PEAK1: variants seen among roughly 807,000 people sequenced by gnomAD.
The protein encoded by PEAK1 is pseudopodium enriched atypical kinase 1.
PEAK1 carries 54 observed loss-of-function variants against 124.7 expected under a neutral mutation model. That is an observed-to-expected ratio of 0.43 (90% CI 0.35 to 0.54). PEAK1 has a LOEUF of 0.54. PEAK1 is among the 20% of genes least tolerant of loss of function. PEAK1 has a pLI of 0.01. For missense variants in PEAK1, 2,046 were observed against 2,134.5 expected, an observed-to-expected ratio of 0.96 and a Z score of 0.82; for synonymous variants, 719 against 760.0, an observed-to-expected ratio of 0.95 and a Z score of 0.89.
rs758292985 is a variant in PEAK1, at chr15:77,229,786, T to C, written c.-115+22581A>G. Among the ~76,000 whole-genome samples, 49 of 152,280 alleles carry C rather than the reference T, an allele frequency of 3.2e-4. 1 individual carries two copies. Among genetic ancestry groups the C allele is most frequent in the Non-Finnish European group, 5.1e-4 (35 of 68,016 alleles). ...CCTCAGCCTCCTGAGTAACTGGGAT[T>C]ACAGGCGTCCACCACCATGCCCAGC... On this transcript the variant is annotated intron_variant, in intron 6 of 9. Coordinates refer to ENST00000682557, the MANE Select transcript of PEAK1 (RefSeq NM_001385026.1).
intron 6 of PEAK1, 72 bp from the exon 7 acceptor site, chr15:77,182,112 T>C: frequency 8.0e-7 from 1 of 1,248,372 alleles, no homozygotes; most frequent in African/African-American, 1.5e-5. Flanking sequence ...ATTAGTGACT[T>C]GAAAAAACTG....
Position 77,114,157 on chromosome 15 carries a change from T to G in PEAK1, c.5240A>C (p.Ter1747SerextTer5). 1 of 1,613,372 alleles carries G rather than the reference T, an allele frequency of 6.2e-7. No homozygotes were observed. The highest frequency in any genetic ancestry group is 8.5e-7 in the Non-Finnish European group (1 of 1,179,360). The change falls in exon 10 of 10, where the codon TAA (stop) becomes TCA (serine). Residue 1747 changes from the stop codon to serine (S), a stop_lost. Coordinates refer to ENST00000682557, the MANE Select transcript of PEAK1 (RefSeq NM_001385026.1). ...SCIVKILQHR[*>S] ...GTAAAAGCATCATCCAGGTACACAT[T>G]AACGGTGCTGCAGAATTTTCACAAT...
rs143436596 is a variant in PEAK1 at position 77,302,466 on chromosome 15, C to T, written c.-602-15962G>A. Among the ~76,000 whole-genome samples, 55 of 152,222 alleles carry T rather than the reference C, an allele frequency of 3.6e-4. 1 individual carries two copies. The East Asian group carries it at 7.9e-3, about 22-fold the overall frequency. ...TGAAAAACGTGGCTTCTAACAACTG[C>T]CACCCATTTTCTTAATTGTTCAATT... On this transcript the variant is annotated intron_variant, in intron 2 of 9. Coordinates refer to ENST00000682557, the MANE Select transcript of PEAK1 (RefSeq NM_001385026.1).
rs576923278 is a variant in PEAK1 at position 77,189,143 on chromosome 15, G to A, written c.-114-7103C>T. On this transcript the variant is annotated intron_variant, in intron 6 of 9. Transcript: ENST00000682557. The stretch of plus-strand genomic sequence containing the variant: ...TTGAACCTGGGAGGGGGAGGTTGCA[G>A]TGAGCCGAGATCGCGCCACTGCACT... 2.0e-5 allele frequency among the ~76,000 whole-genome samples: 3 copies of A among 152,304 alleles called. No individual in the cohort carries two copies. The South Asian group carries it at 6.2e-4, about 32-fold the overall frequency.
chr15:77,395,461 T>C (rs1254471175), intron 1 of PEAK1, among the ~76,000 whole-genome samples: 1 of 152,070 alleles, frequency 6.6e-6, no homozygotes, highest in African/African-American at 2.4e-5. Flanking sequence ...GAATGTTATA[T>C]AACACCAAGA....
At chr15:77,337,696 T>TCA (rs1479782297) in intron 2 of PEAK1, 1 of 985,198 alleles carries the variant, frequency 1.0e-6, no homozygotes, top group African/African-American at 1.7e-5. Flanking sequence ...AAGTCATTTG[T>TCA]CAGTAACCCT....
chr15:77,348,418 A>T lies in PEAK1; in HGVS notation c.-603+16745T>A, dbSNP rs529674459. ...CACTATAAGCAAGGGAAATGTCTTT[A>T]AAAAACAGCTGATTTTTTAAAAAGA... is the stretch of plus-strand genomic sequence containing the variant. On this transcript the variant is annotated intron_variant, in intron 2 of 9. Transcript: ENST00000682557. The T allele has an allele frequency of 8.7e-6, 8 of 924,020 alleles. No individual in the cohort carries two copies. The East Asian group carries it at 7.0e-4, about 81-fold the overall frequency. The allele number at this position is 924,020 out of a possible 1,614,324, so 57.2% of individuals were successfully genotyped here.
rs1433996770 is a variant in PEAK1 at position 77,165,298 on chromosome 15, G to A, written c.3138-6602C>T. 2.6e-5 allele frequency among the ~76,000 whole-genome samples: 4 copies of A among 151,624 alleles called. No individual in the cohort carries two copies. The South Asian group carries it at 6.2e-4, about 24-fold the overall frequency. On this transcript the variant is annotated intron_variant, in intron 7 of 9. Coordinates refer to ENST00000682557, the MANE Select transcript of PEAK1 (RefSeq NM_001385026.1). Reference sequence around the variant, plus strand: ...CAACCTCTGCCTCCCGGGTTCAAGCGATTCGTCTGCCTCAGCCTCCCAAGT... The same window carrying A: ...CAACCTCTGCCTCCCGGGTTCAAGCAATTCGTCTGCCTCAGCCTCCCAAGT...
At chr15:77,403,712 G>T in intron 1 of PEAK1, 2 of 929,944 alleles carry the variant, frequency 2.2e-6, no homozygotes. Flanking sequence ...TAAGAAAAAA[G>T]GGCAGGATTA....
intron 1 of PEAK1, among the ~76,000 whole-genome samples, chr15:77,415,852 T>C (rs1168369744): frequency 2.0e-5 from 3 of 152,118 alleles, no homozygotes; most frequent in Non-Finnish European, 4.4e-5. Context: ...ACATATACAC[T>C]CTTCTTCAGT....
intron 2 of PEAK1, chr15:77,333,828 T>C (rs1056063667): frequency 2.8e-6 from 2 of 717,420 alleles, no homozygotes; most frequent in Non-Finnish European, 3.4e-6. Flanking sequence ...TTCTAATATA[T>C]GGTGGTGCAA....
intron 1 of PEAK1, among the ~76,000 whole-genome samples, chr15:77,369,488 G>A (rs1223651938): frequency 2.6e-5 from 4 of 152,076 alleles, no homozygotes; most frequent in Admixed American, 2.0e-4. Context: ...CTAAATCAGT[G>A]ATCAAACTAT....
intron 1 of PEAK1, among the ~76,000 whole-genome samples, chr15:77,405,120 C>T (rs2071706833): frequency 6.6e-6 from 1 of 152,094 alleles, no homozygotes; most frequent in African/African-American, 2.4e-5. Flanking sequence ...ATTCCCCTGC[C>T]TCAGCCTCCT....
chr15:77,312,115 C>T (rs1405441872), intron 2 of PEAK1, among the ~76,000 whole-genome samples: 1 of 151,772 alleles, frequency 6.6e-6, no homozygotes, highest in African/African-American at 2.4e-5. Context: ...AAAAACAGGG[C>T]GTGGGGAGTT....
At chr15:77,299,101 GT>G (rs2063659182) in intron 2 of PEAK1, among the ~76,000 whole-genome samples, 1 of 152,090 alleles carries the variant, frequency 6.6e-6, no homozygotes, top group Non-Finnish European at 1.5e-5. Flanking sequence ...AGTTTCCAAG[GT>G]TATTTATAAG....
At chr15:77,289,435 T>C (rs1332866716) in intron 2 of PEAK1, among the ~76,000 whole-genome samples, 1 of 152,208 alleles carries the variant, frequency 6.6e-6, no homozygotes, top group Non-Finnish European at 1.5e-5. Flanking sequence ...TCCAAATAAG[T>C]AGGGAAAGTG....
intron 2 of PEAK1, among the ~76,000 whole-genome samples, chr15:77,289,976 C>CT (rs555164330): frequency 3.5e-4 from 52 of 149,888 alleles, no homozygotes; most frequent in South Asian, 1.7e-3. Context: ...TATAATTACT[C>CT]TTTTTTTTTT....
intron 2 of PEAK1, among the ~76,000 whole-genome samples, chr15:77,290,734 T>C (rs1004757411): frequency 2.0e-5 from 3 of 151,902 alleles, no homozygotes; most frequent in Non-Finnish European, 2.9e-5. Context: ...CTATTTTTTT[T>C]GTAGAGATGG....
chr15:77,195,007 C>A (rs2058033904), intron 6 of PEAK1, among the ~76,000 whole-genome samples: 1 of 151,990 alleles, frequency 6.6e-6, no homozygotes, highest in Admixed American at 6.6e-5. Flanking sequence ...GGGAAGCAAA[C>A]AACTAAAATG....
Sources: allele counts gnomAD v4.1 joint callset (sites outside exome capture counted in the v4.1 genomes callset), GRCh38; gene constraint gnomAD v4.1.1; transcripts MANE v1.5; gene names NCBI Gene and HGNC (gene_info 2026-07-23, HGNC 2026-07-21).